The following MTHFD1 variants were observed in gnomAD, a reference collection of about 807,000 sequenced individuals.
MTHFD1 encodes the protein methylenetetrahydrofolate dehydrogenase, cyclohydrolase and formyltetrahydrofolate synthetase 1.
MTHFD1 carries 44 observed loss-of-function variants against 110.3 expected under a neutral mutation model. That is an observed-to-expected ratio of 0.40 (90% confidence interval 0.31 to 0.51). MTHFD1 has a LOEUF of 0.51. MTHFD1 is among the 20% of genes least tolerant of loss of function. MTHFD1 has a pLI of 0.60. For synonymous variants in MTHFD1, 402 were observed against 428.8 expected (o/e 0.94, Z 0.77); for missense variants, 909 against 1,173.1 (o/e 0.77, Z 3.29).
intron 1 of MTHFD1, among the ~76,000 whole-genome samples, chr14:64,397,247 C>CT (rs71123844): frequency 0.7 from 69,044 of 98,934 alleles, 24,086 homozygotes; most frequent in Admixed American, 0.75. Context: ...TAGAAGAAGA[C>CT]TTTTTTTTTT....
At chr14:64,456,664 C>G (rs60438614) in intron 26 of MTHFD1, among the ~76,000 whole-genome samples, 1,881 of 152,226 alleles carry the variant, frequency 0.012, 40 homozygotes, top group African/African-American at 0.043. Context: ...TGTCTAAGGA[C>G]CCATCCTTTC....
chr14:64,424,810 A>C lies in MTHFD1; in HGVS notation c.734A>C (p.Lys245Thr). The C allele has an allele frequency of 1.2e-6, 2 of 1,614,080 alleles. No homozygotes were observed. The highest frequency in any genetic ancestry group is 1.7e-6 in the Non-Finnish European group (2 of 1,180,030). ...TTCTCCCCCACTTGACCAGATGATA[A>C]AAAACCAAATGGGAGAAAAGTTGTG... ...DCGINYVPDD[K>T]KPNGRKVVGD... The change falls in exon 9 of 28, where the codon AAA becomes ACA. Residue 245 changes from lysine (K) to threonine (T), a missense_variant. Physicochemically the swap from Lys to Thr is moderately conservative, Grantham distance 78. Coordinates refer to ENST00000652337, the MANE Select transcript of MTHFD1 (RefSeq NM_005956.4).
At chr14:64,423,223 C>T (rs1261720078) in intron 8 of MTHFD1, among the ~76,000 whole-genome samples, 1 of 152,082 alleles carries the variant, frequency 6.6e-6, no homozygotes, top group East Asian at 1.9e-4. Flanking sequence ...TCCTTTTACT[C>T]CATATAAAAA....
chr14:64,412,826 C>T (rs540834945), intron 4 of MTHFD1, among the ~76,000 whole-genome samples: 10 of 151,556 alleles, frequency 6.6e-5, no homozygotes, highest in South Asian at 2.1e-4. Context: ...TTAATAGAGA[C>T]GCGGTTTCAC....
chr14:64,409,055 A>G (rs1159397210), intron 2 of MTHFD1, among the ~76,000 whole-genome samples: 2 of 152,202 alleles, frequency 1.3e-5, no homozygotes, highest in Non-Finnish European at 2.9e-5. Context: ...AACTATAACT[A>G]TTAAGTTTTC....
chr14:64,449,224 C>G, intron 23 of MTHFD1: 1 of 607,426 alleles, frequency 1.6e-6, no homozygotes, highest in Non-Finnish European at 3.0e-6. Flanking sequence ...TGTGATTATT[C>G]GCGTATTACC....
rs115392664 is a variant in MTHFD1, at chr14:64,392,462, A to G, written c.41+3994A>G. On this transcript the variant is annotated intron_variant, in intron 1 of 27. Coordinates refer to ENST00000652337, the MANE Select transcript of MTHFD1 (RefSeq NM_005956.4). ...GTTTTTCCTTCCCTTAGTTTGCTAT[A>G]ATTAAGCCTGCTCTCTCCATTGGTG... 1.7e-3 allele frequency among the ~76,000 whole-genome samples: 253 copies of G among 152,270 alleles called. 1 individual carries two copies. The highest frequency in any genetic ancestry group is 5.8e-3 in the African/African-American group (241 of 41,546).
chr14:64,431,574 G>T lies in MTHFD1; in HGVS notation c.1354G>T (p.Ala452Ser), dbSNP rs754837331. ...LTGDIHAITA[A>S]NNLVAAAIDA... Reference sequence around the variant, plus strand: ...AGGTGACATCCATGCCATCACTGCAGCTAATAACCTCGTTGCTGCGGCCAT... The same window carrying T: ...AGGTGACATCCATGCCATCACTGCATCTAATAACCTCGTTGCTGCGGCCAT... Residue 452 changes from alanine (A) to serine (S), a missense_variant, in exon 14 of 28, where the codon GCT (alanine) becomes TCT (serine). By Grantham distance (99) the Ala-to-Ser change is moderately conservative. Transcript: ENST00000652337. 5 of 1,614,186 alleles carry T rather than the reference G, an allele frequency of 3.1e-6. No individual in the cohort carries two copies. In the South Asian group the frequency reaches 5.5e-5, roughly 18 times the overall value.
At chr14:64,447,142 C>T (rs2078296021) in intron 22 of MTHFD1, among the ~76,000 whole-genome samples, 1 of 144,110 alleles carries the variant, frequency 6.9e-6, no homozygotes, top group African/African-American at 2.6e-5. Flanking sequence ...CCACATCCAG[C>T]TCAGTTCTTT....
intron 1 of MTHFD1, among the ~76,000 whole-genome samples, chr14:64,395,453 C>T (rs1352723401): frequency 6.6e-6 from 1 of 152,156 alleles, no homozygotes; most frequent in East Asian, 1.9e-4. Context: ...GAGGTGGGAC[C>T]TCATTGTTCA....
chr14:64,391,852 A>G (rs1400794827), intron 1 of MTHFD1, among the ~76,000 whole-genome samples: 2 of 152,192 alleles, frequency 1.3e-5, no homozygotes, highest in Non-Finnish European at 2.9e-5. Context: ...AAGCCAGGCA[A>G]TCTTCAAAGC....
intron 24 of MTHFD1, among the ~76,000 whole-genome samples, chr14:64,453,120 T>C (rs189397251): frequency 1.2e-4 from 18 of 152,122 alleles, no homozygotes; most frequent in Non-Finnish European, 1.9e-4. Context: ...AATATGTACT[T>C]ATGTAAGTAT....
chr14:64,412,965 C>T (rs2077996292), intron 4 of MTHFD1, among the ~76,000 whole-genome samples: 1 of 151,666 alleles, frequency 6.6e-6, no homozygotes, highest in South Asian at 2.1e-4. Flanking sequence ...TTCACAGACT[C>T]CCACAGAGGA....
At chr14:64,444,924 A>C in intron 22 of MTHFD1, 190 bp downstream of exon 22, 1 of 642,524 alleles carries the variant, frequency 1.6e-6, no homozygotes, top group Non-Finnish European at 2.8e-6. Context: ...CACAAAATAG[A>C]ATTGTCCCAC....
chr14:64,444,577 A>T, intron 21 of MTHFD1, 116 bp from the exon 22 acceptor site: 1 of 1,133,502 alleles, frequency 8.8e-7, no homozygotes. Flanking sequence ...ATAATCTTAT[A>T]CTACTGTACA....
chr14:64,397,461 T>C (rs1372589058), intron 1 of MTHFD1, among the ~76,000 whole-genome samples: 4 of 151,530 alleles, frequency 2.6e-5, no homozygotes. Flanking sequence ...CCTGGCTGAT[T>C]TTTCGTATTT....
intron 19 of MTHFD1, chr14:64,441,805 A>C: frequency 3.0e-6 from 1 of 337,186 alleles, no homozygotes; most frequent in Non-Finnish European, 5.5e-6. Flanking sequence ...TCCGTGTCAA[A>C]AAAAAAAAAA....
rs1366859310 is a variant in MTHFD1, at chr14:64,417,470, ACTAAT to A, written c.479-412_479-408del. Among the ~76,000 whole-genome samples, 1 of 152,268 alleles carries A rather than the reference ACTAAT, an allele frequency of 6.6e-6. No homozygotes were observed. Among genetic ancestry groups the A allele is most frequent in the Non-Finnish European group, 1.5e-5 (1 of 68,046 alleles). On this transcript the variant is annotated intron_variant, in intron 6 of 27. Transcript: ENST00000652337. The surrounding 1 kb of genome is among the most constrained non-coding windows in gnomAD (Gnocchi z 4.4). ...ACCAAAGTTAGAAGGAATTACCGATACTAATCTAATTTCTTACACATCTCTCCAGC... is the reference window on the plus strand; with the variant it reads ...ACCAAAGTTAGAAGGAATTACCGATACTAATTTCTTACACATCTCTCCAGC...
In MTHFD1 at chr14:64,417,815, AT is replaced by A; in HGVS notation, c.479-70del. The A allele has an allele frequency of 6.3e-7, 1 of 1,595,454 alleles. No homozygotes were observed. ...AACCTGTTTTTGTGCACTTATTCTA[AT>A]TTCTCCACGTGGCATGCGAAGGAGG... On this transcript the variant is annotated intron_variant, in intron 6 of 27. Coordinates refer to ENST00000652337, the MANE Select transcript of MTHFD1 (RefSeq NM_005956.4). The surrounding 1 kb of genome is among the most constrained non-coding windows in gnomAD (Gnocchi z 4.4).
Sources: allele counts gnomAD v4.1 joint callset (sites outside exome capture counted in the v4.1 genomes callset), GRCh38; gene constraint gnomAD v4.1.1; non-coding constraint Gnocchi (gnomAD v3.1); transcripts MANE v1.5; gene names NCBI Gene and HGNC (gene_info 2026-07-23, HGNC 2026-07-21).